The following ZNF497 variants were observed in gnomAD, a reference collection of about 807,000 sequenced individuals.
The protein encoded by ZNF497 is zinc finger-like protein.
For synonymous variants in ZNF497, 422 were observed against 313.7 expected (o/e 1.35, Z -3.65); for missense variants, 930 against 714.0 (o/e 1.30, Z -3.45).
chr19:58,356,903 G>T lies in ZNF497; in HGVS notation c.733C>A (p.Pro245Thr). The T allele has an allele frequency of 6.3e-7, 1 of 1,592,028 alleles. No homozygotes were observed. ...TTGCCACAGTCCCGGCAGGCGTGCG[G>T]CCGCGCGCCCGTGTGCACGCGCCGG... ...EHRRVHTGARPHACRDCGKAF... is the reference protein window; with the variant it reads ...EHRRVHTGARTHACRDCGKAF... The change falls in exon 3 of 3, where the codon CCG (proline) becomes ACG (threonine). Residue 245 changes from proline to threonine, a missense_variant. Coordinates refer to ENST00000311044, the MANE Select transcript of ZNF497 (RefSeq NM_198458.3).
intron 2 of ZNF497, 92 bp downstream of exon 2, chr19:58,358,397 C>T (rs1367728127): frequency 8.7e-7 from 1 of 1,154,088 alleles, no homozygotes; most frequent in Non-Finnish European, 1.1e-6. Flanking sequence ...CAAAACCCAT[C>T]CTCATTTGCC....
At chr19:58,362,491 C>T (rs2052104895) in intron 1 of ZNF497, 186 bp downstream of exon 1, 1 of 152,216 alleles carries the variant, frequency 6.6e-6, no homozygotes. Flanking sequence ...TCCGTCCCGA[C>T]CACGGTCGCC....
intron 1 of ZNF497, among the ~76,000 whole-genome samples, chr19:58,360,927 G>C (rs1197446495): frequency 6.6e-6 from 1 of 151,582 alleles, no homozygotes; most frequent in Non-Finnish European, 1.5e-5. Flanking sequence ...GACTACAGGC[G>C]CCTGCCACCA....
At position 58,356,611 on chromosome 19, in the gene ZNF497, C is replaced by G; in HGVS notation, c.1025G>C (p.Gly342Ala). ...CAECGQAFVMGSYLAEHRRVH... is the reference protein window; with the variant it reads ...CAECGQAFVMASYLAEHRRVH... ...GCGCCGGTGCTCCGCCAGGTAGGAG[C>G]CCATGACGAAAGCCTGGCCGCACTC... Residue 342 changes from glycine (G) to alanine (A), a missense_variant, in exon 3 of 3, where the codon GGC becomes GCC. Transcript: ENST00000311044. The G allele has an allele frequency of 6.5e-7, 1 of 1,540,794 alleles. No homozygotes were observed. Among genetic ancestry groups the G allele is most frequent in the Non-Finnish European group, 8.7e-7 (1 of 1,149,000 alleles).
rs2051995435 is a variant in ZNF497, at chr19:58,354,389, G to C, written c.*1750C>G. 2 of 152,382 alleles carry C rather than the reference G, an allele frequency of 1.3e-5. No individual in the cohort carries two copies. The highest frequency in any genetic ancestry group is 4.1e-4 in the South Asian group (2 of 4,826). 9.4% of individuals were successfully genotyped at this position (152,382 alleles called of 1,614,324 possible). On this transcript the variant is annotated 3_prime_UTR_variant, in exon 3 of 3. Transcript: ENST00000311044. ...CACAGGCATTTATTGAGCATCTACT[G>C]TGTGCCAGATGCAAAGAAGACAGTG...
rs2052009200 is a variant in ZNF497 at position 58,355,657 on chromosome 19, A to G, written c.*482T>C. 6.4e-6 allele frequency: 1 copy of G among 156,106 alleles called. No individual in the cohort carries two copies. The highest frequency in any genetic ancestry group is 1.4e-5 in the Non-Finnish European group (1 of 70,904). 9.7% of individuals were successfully genotyped at this position (156,106 alleles called of 1,614,324 possible). Reference sequence around the variant, plus strand: ...CTAGAAAGCCATAGCATGCGGTTTCATCATGTTTAACTGTCACCTGTGGTT... The same window carrying G: ...CTAGAAAGCCATAGCATGCGGTTTCGTCATGTTTAACTGTCACCTGTGGTT... On this transcript the variant is annotated 3_prime_UTR_variant, in exon 3 of 3. Transcript: ENST00000311044.
rs780398467 is a variant in ZNF497 at position 58,358,583 on chromosome 19, C to T, written c.-109G>A. The T allele has an allele frequency of 1.7e-5, 20 of 1,187,762 alleles. No homozygotes were observed. Among genetic ancestry groups the T allele is most frequent in the Admixed American group, 3.6e-5 (1 of 27,544 alleles). 73.6% of individuals were successfully genotyped at this position (1,187,762 alleles called of 1,614,324 possible). ...GCTCCTCTTGGGGCCTGGGGGCTGG[C>T]ACCTGGGGACAGGAAGGCAGCAGGG... On this transcript the variant is annotated splice_region_variant and 5_prime_UTR_variant, in exon 2 of 3. Coordinates refer to ENST00000311044, the MANE Select transcript of ZNF497 (RefSeq NM_198458.3).
intron 1 of ZNF497, chr19:58,359,111 G>A (rs1048146291): frequency 9.1e-7 from 1 of 1,100,326 alleles, no homozygotes; most frequent in Non-Finnish European, 1.2e-6. Flanking sequence ...ACGCAGCTGA[G>A]CCAGGGCCCC....
chr19:58,359,113 C>T, intron 1 of ZNF497: 1 of 1,127,334 alleles, frequency 8.9e-7, no homozygotes, highest in Non-Finnish European at 1.2e-6. Flanking sequence ...GCAGCTGAGC[C>T]AGGGCCCCTC....
chr19:58,356,100 G>A lies in ZNF497; in HGVS notation c.*39C>T. On this transcript the variant is annotated 3_prime_UTR_variant, in exon 3 of 3. Coordinates refer to ENST00000311044, the MANE Select transcript of ZNF497 (RefSeq NM_198458.3). ...GCACTCACGCCCGAGACCCCGCAAT[G>A]CCGTGTGTCCGCGACCTCCCGCTCA... 1 of 1,497,608 alleles carries A rather than the reference G, an allele frequency of 6.7e-7. No homozygotes were observed. Among genetic ancestry groups the A allele is most frequent in the East Asian group, 2.3e-5 (1 of 43,182 alleles). 92.8% of individuals were successfully genotyped at this position (1,497,608 alleles called of 1,614,324 possible). A position where few individuals can be genotyped will look rare whatever the true frequency, so the allele number is the denominator to read the frequency against.
At chr19:58,357,928 A>G (rs1599912507) in intron 2 of ZNF497, 9 of 1,346,318 alleles carry the variant, frequency 6.7e-6, no homozygotes, top group Admixed American at 3.3e-5. Flanking sequence ...AGCATCGCAG[A>G]AGGACTCAAA....
At chr19:58,358,837 G>A (rs2052058563) in intron 1 of ZNF497, 1 of 457,162 alleles carries the variant, frequency 2.2e-6, no homozygotes, top group African/African-American at 2.0e-5. Flanking sequence ...ACTGGCCCCA[G>A]TGCTGGCTCA....
chr19:58,360,250 C>G (rs1682332771), intron 1 of ZNF497, among the ~76,000 whole-genome samples: 2 of 152,038 alleles, frequency 1.3e-5, no homozygotes, highest in African/African-American at 2.4e-5. Flanking sequence ...ACTGAATATA[C>G]CAAAAACCAC....
rs149803594 is a variant in ZNF497 at position 58,357,218 on chromosome 19, C to G, written c.418G>C (p.Gly140Arg). ...TTGGAGCTCCAGGCGAAGGCCTTGC[C>G]GCACTCGGGGCACGTGTACGGCTTC... is the stretch of plus-strand genomic sequence containing the variant. Reference protein sequence around the residue: ...GEKPYTCPECGKAFAWSSNLS... With the variant: ...GEKPYTCPECRKAFAWSSNLS... Residue 140 changes from glycine to arginine, a missense_variant, in exon 3 of 3, where the codon GGC (glycine) becomes CGC (arginine). Physicochemically the swap from Gly to Arg is moderately radical, Grantham distance 125. Transcript: ENST00000311044. The G allele has an allele frequency of 3.4e-5, 55 of 1,613,038 alleles. No individual in the cohort carries two copies. The highest frequency in any genetic ancestry group is 8.3e-5 in the Admixed American group (5 of 59,960).
chr19:58,361,199 A>G (rs1052030525), intron 1 of ZNF497, among the ~76,000 whole-genome samples: 3 of 152,064 alleles, frequency 2.0e-5, no homozygotes, highest in African/African-American at 7.2e-5. Context: ...TAAAATGACA[A>G]AATGGTAGAA....
chr19:58,360,775 T>A, intron 1 of ZNF497, among the ~76,000 whole-genome samples: 1 of 94,604 alleles, frequency 1.1e-5, no homozygotes, highest in Non-Finnish European at 2.1e-5. Context: ...CTCTTTTTTT[T>A]TTTTTTTTTT....
Position 58,357,174 on chromosome 19 carries a change from G to T in ZNF497, c.462C>A (p.Arg154=). 6.2e-7 allele frequency: 1 copy of T among 1,613,086 alleles called. No homozygotes were observed. Among genetic ancestry groups the T allele is most frequent in the Non-Finnish European group, 8.5e-7 (1 of 1,179,784 alleles). Residue 154 remains arginine (R), a synonymous_variant, in exon 3 of 3, where the codon CGC becomes CGA. Transcript: ENST00000311044. The part of the protein sequence containing the change: ...AWSSNLSQHQ[R]IHSGEKPYAC... ...CGTAGGGCTTCTCGCCGCTGTGGATGCGCTGGTGCTGGCTGAGGTTGGAGC... is the reference window on the plus strand; with the variant it reads ...CGTAGGGCTTCTCGCCGCTGTGGATTCGCTGGTGCTGGCTGAGGTTGGAGC...
chr19:58,356,045 G>A lies in ZNF497; in HGVS notation c.*94C>T, dbSNP rs1043120174. On this transcript the variant is annotated 3_prime_UTR_variant, in exon 3 of 3. Coordinates refer to ENST00000311044, the MANE Select transcript of ZNF497 (RefSeq NM_198458.3). ...CCAGCAGGAGGGCGCCCGCACCGGC[G>A]GCCCGAAAAAGTCTGGGCCAGCAGA... is the stretch of plus-strand genomic sequence containing the variant. 3 of 1,381,568 alleles carry A rather than the reference G, an allele frequency of 2.2e-6. No individual in the cohort carries two copies. Among genetic ancestry groups the A allele is most frequent in the Middle Eastern group, 2.6e-4 (1 of 3,800 alleles). 85.6% of individuals were successfully genotyped at this position (1,381,568 alleles called of 1,614,324 possible).
At chr19:58,358,378 T>C (rs1053903561) in intron 2 of ZNF497, 111 bp downstream of exon 2, 1 of 1,192,880 alleles carries the variant, frequency 8.4e-7, no homozygotes, top group Non-Finnish European at 1.1e-6. Context: ...GCGAAGTCTC[T>C]ACAGCGAGCA....
Sources: allele counts gnomAD v4.1 joint callset (sites outside exome capture counted in the v4.1 genomes callset), GRCh38; gene constraint gnomAD v4.1.1; transcripts MANE v1.5; gene names NCBI Gene and HGNC (gene_info 2026-07-23, HGNC 2026-07-21).